TEX13C: variants seen among roughly 807,000 people sequenced by gnomAD.
The protein encoded by TEX13C is testis-expressed protein 13C.
For synonymous variants in TEX13C, 219 were observed against 116.6 expected (o/e 1.88, Z -5.65); for missense variants, 480 against 298.7 (o/e 1.61, Z -4.47).
exon 1 of TEX13C, chrX:125,322,889 C>A (rs1367051578): frequency 1.9e-6 from 1 of 513,389 alleles, no homozygotes; most frequent in Admixed American, 2.7e-5. Context: ...GAAAAATAGC[C>A]CATGGAAACA....
chrX:125,324,115 TTTAA>T (rs2018871695), exon 1 of TEX13C: 1 of 111,787 alleles, frequency 8.9e-6, no homozygotes, highest in Non-Finnish European at 1.9e-5. Flanking sequence ...TGATAGCAAC[TTTAA>T]TTAATTTCAT....
chrX:125,323,708 G>A (rs1037111794), exon 1 of TEX13C: 1 of 111,442 alleles, frequency 9.0e-6, no homozygotes, highest in African/African-American at 3.3e-5. Flanking sequence ...AGTTTTACAG[G>A]TGAAGTCCTG....
chrX:125,324,865 A>T (rs904369857), exon 1 of TEX13C: 3 of 112,289 alleles, frequency 2.7e-5, no homozygotes, highest in Non-Finnish European at 5.6e-5. Context: ...TGGATGAAGA[A>T]CAAAATGGAT....
At chrX:125,324,272 T>C (rs778257022) in exon 1 of TEX13C, 2 of 111,970 alleles carry the variant, frequency 1.8e-5, no homozygotes, top group Non-Finnish European at 3.8e-5. Context: ...ACACATTAGA[T>C]CAGGGATGTA....
At chrX:125,322,825 A>G (rs771055320) in exon 1 of TEX13C, 10 of 515,394 alleles carry the variant, frequency 1.9e-5, no homozygotes. Flanking sequence ...GCCAGAAGGA[A>G]GATCAGGAGA....
chrX:125,320,706 C>T (rs1217207081), exon 1 of TEX13C: 7 of 513,971 alleles, frequency 1.4e-5, no homozygotes, highest in South Asian at 2.5e-5. Flanking sequence ...ATGCCACATT[C>T]GGAAGCCCAG....
At chrX:125,320,880 T>C (rs2018829785) in exon 1 of TEX13C, 1 of 513,465 alleles carries the variant, frequency 1.9e-6, no homozygotes, top group African/African-American at 2.3e-5. Flanking sequence ...CCAGTAGTAA[T>C]GGAATCAGCA....
chrX:125,322,465 G>A, exon 1 of TEX13C: 1 of 513,066 alleles, frequency 1.9e-6, no homozygotes, highest in Non-Finnish European at 3.5e-6. Context: ...TGGTGCCCCA[G>A]GGCACAGCTC....
chrX:125,323,946 T>C (rs1391444563), exon 1 of TEX13C: 2 of 111,926 alleles, frequency 1.8e-5, no homozygotes, highest in Non-Finnish European at 3.8e-5. Flanking sequence ...TTTTGTAGAG[T>C]TGAATTTTTT....
At chrX:125,320,288 C>A (rs2148413412) in exon 1 of TEX13C, 1 of 515,823 alleles carries the variant, frequency 1.9e-6, no homozygotes, top group Non-Finnish European at 3.5e-6. Context: ...TGTGGCCGAC[C>A]CGCGGGTGCC....
Position 125,322,034 on chromosome X carries a change from A to C in TEX13C, c.1915A>C (p.Lys639Gln), listed in dbSNP as rs1443798844. 43 of 454,901 alleles carry C rather than the reference A, an allele frequency of 9.5e-5. No individual in the cohort carries two copies. The Admixed American group carries it at 1.2e-3, about 13-fold the overall frequency. The allele number at this position is 454,901 out of a possible 1,213,427, so 37.5% of individuals were successfully genotyped here. A position where few individuals can be genotyped will look rare whatever the true frequency, so the allele number is the denominator to read the frequency against. ...CCTGAAGAAAGTGCCAGTGATGCCC[A>C]AGGAGATGGTCCCCCTGGGGGACAG... is the stretch of plus-strand genomic sequence containing the variant. The change falls in exon 1 of 1, where the codon AAG becomes CAG. Residue 639 changes from lysine (K) to glutamine (Q), a missense_variant. Lys to Gln is a moderately conservative substitution (Grantham distance 53, BLOSUM62 1). Transcript: ENST00000632600.
exon 1 of TEX13C, chrX:125,324,152 A>G (rs1424706297): frequency 8.9e-6 from 1 of 111,792 alleles, no homozygotes; most frequent in Non-Finnish European, 1.9e-5. Flanking sequence ...AGAAATAGTT[A>G]TTGCCTAGTA....
exon 1 of TEX13C, chrX:125,320,463 G>A (rs2018825399): frequency 1.9e-6 from 1 of 514,858 alleles, no homozygotes; most frequent in Non-Finnish European, 3.5e-6. Context: ...CAGCAGCTGC[G>A]CCTGGAGCAT....
At chrX:125,323,266 A>G (rs1304672166) in exon 1 of TEX13C, 3 of 401,106 alleles carry the variant, frequency 7.5e-6, no homozygotes, top group Admixed American at 4.9e-5. Context: ...TATTACCCAA[A>G]TTAAGTACTT....
chrX:125,320,249 A>G (rs2018822256), exon 1 of TEX13C: 1 of 515,300 alleles, frequency 1.9e-6, no homozygotes. Context: ...GCGGCCGTGG[A>G]ACGAGGTAGA....
rs1473479644 is a variant in TEX13C, at chrX:125,320,399, C to T, written c.280C>T (p.Gln94Ter). The change falls in exon 1 of 1, where the codon CAA becomes TAA. Residue 94 changes from glutamine to a stop codon, truncating the protein, a stop_gained. Transcript: ENST00000632600. LOFTEE classifies it low-confidence loss of function (END_TRUNC). ...GCTGCTGTACCAGGTTTGGTGGCTG[C>T]AAGGGCATGTGGAGGAGTGCCAGGC... The T allele has an allele frequency of 3.9e-6, 2 of 514,986 alleles. No individual in the cohort carries two copies. The highest frequency in any genetic ancestry group is 4.6e-5 in the African/African-American group (2 of 43,798). The allele number at this position is 514,986 out of a possible 1,213,427, so 42.4% of individuals were successfully genotyped here.
chrX:125,320,900 G>A (rs760211004), exon 1 of TEX13C: 2 of 513,876 alleles, frequency 3.9e-6, no homozygotes, highest in African/African-American at 4.6e-5. Flanking sequence ...AGCAGCAATT[G>A]CACCACAGAT....
In TEX13C at chrX:125,322,942, G is replaced by T. The variant is rs1220067159; in HGVS notation, c.2823G>T (p.Lys941Asn). 1.4e-5 allele frequency: 7 copies of T among 513,923 alleles called. No individual in the cohort carries two copies. The Admixed American group carries it at 1.9e-4, about 14-fold the overall frequency. The allele number at this position is 513,923 out of a possible 1,213,427, so 42.4% of individuals were successfully genotyped here. The change falls in exon 1 of 1, where the codon AAG (lysine) becomes AAT (asparagine). Residue 941 changes from lysine (K) to asparagine (N), a missense_variant. Lys to Asn is a moderately conservative substitution (Grantham distance 94, BLOSUM62 0). Coordinates refer to ENST00000632600, the Ensembl canonical transcript of TEX13C. ...AGGTCAAGGAACAAAAAAGGAAAAA[G>T]GCCTCAGAATCCCAGCAACAGAAGC...
At chrX:125,324,085 G>T (rs1368054968) in exon 1 of TEX13C, 2 of 111,948 alleles carry the variant, frequency 1.8e-5, no homozygotes, top group African/African-American at 6.5e-5. Flanking sequence ...TTAGGGGGTT[G>T]TAGTGTTAAA....
Sources: allele counts gnomAD v4.1 joint callset, GRCh38; gene constraint gnomAD v4.1.1; transcripts MANE v1.5; gene names NCBI Gene and HGNC (gene_info 2026-07-23, HGNC 2026-07-21).